Variants in MALRD1 observed in about 807,000 individuals in gnomAD.
The protein encoded by MALRD1 is MAM and LDL-receptor class A domain-containing protein 1.
A neutral mutation model predicts 242.1 loss-of-function variants in MALRD1; 247 were observed. The ratio of observed to expected loss-of-function variants is 1.02; its 90% CI spans 0.92 to 1.13. The LOEUF (loss-of-function observed/expected upper bound fraction) is 1.13. MALRD1 is among the 50% of genes most tolerant of loss of function. The probability of loss-of-function intolerance (pLI) is 0.00; values close to 1 mark genes in which losing one functional copy is unlikely to be tolerated. For missense variants in MALRD1, 2,989 were observed against 2,533.1 expected (o/e 1.18, Z -3.86); for synonymous variants, 995 against 866.6 (o/e 1.15, Z -2.60).
rs1835366245 is a variant in MALRD1 at position 19,178,738 on chromosome 10, A to G, written c.1951+3410A>G. ...CTCTTAATCTCAATTTTGAAGCCAG[A>G]TTTGTGCCTGGTGAGGATGCAGGTT... On this transcript the variant is annotated intron_variant, in intron 14 of 39. Coordinates refer to ENST00000454679, the MANE Select transcript of MALRD1 (RefSeq NM_001142308.3). 2.0e-5 allele frequency among the ~76,000 whole-genome samples: 3 copies of G among 152,288 alleles called. No individual in the cohort carries two copies. The South Asian group carries it at 6.2e-4, about 32-fold the overall frequency.
At chr10:19,437,151 G>A (rs1834382051) in intron 28 of MALRD1, among the ~76,000 whole-genome samples, 1 of 152,110 alleles carries the variant, frequency 6.6e-6, no homozygotes, top group Admixed American at 6.6e-5. Flanking sequence ...AAAGGACAAG[G>A]CCACAATACA....
intron 34 of MALRD1, among the ~76,000 whole-genome samples, chr10:19,602,658 G>A (rs1165216672): frequency 1.3e-5 from 2 of 151,976 alleles, no homozygotes; most frequent in Admixed American, 1.3e-4. Flanking sequence ...ATAAACATAC[G>A]TGTGCTTGTG....
chr10:19,529,376 A>T (rs886484995), intron 31 of MALRD1, among the ~76,000 whole-genome samples: 3 of 152,180 alleles, frequency 2.0e-5, no homozygotes, highest in Admixed American at 2.0e-4. Context: ...GTATGATGAT[A>T]TTTGACAGAG....
At chr10:19,065,820 A>T (rs1344981251) in intron 1 of MALRD1, among the ~76,000 whole-genome samples, 1 of 152,156 alleles carries the variant, frequency 6.6e-6, no homozygotes, top group African/African-American at 2.4e-5. Flanking sequence ...TCAAACACAG[A>T]TTCAATGATG....
chr10:19,127,171 G>T (rs1837308896), intron 7 of MALRD1, among the ~76,000 whole-genome samples: 1 of 152,010 alleles, frequency 6.6e-6, no homozygotes, highest in Non-Finnish European at 1.5e-5. Context: ...TGGGCATTTG[G>T]GTTGATTCCA....
chr10:19,206,972 T>A (rs1454696850), intron 17 of MALRD1, among the ~76,000 whole-genome samples: 1 of 152,154 alleles, frequency 6.6e-6, no homozygotes, highest in African/African-American at 2.4e-5. Context: ...TGAGGAAATA[T>A]CAAAAGAAAG....
At chr10:19,371,954 GTCTAAAGGGTAGC>G (rs2130750407) in intron 26 of MALRD1, among the ~76,000 whole-genome samples, 1 of 152,214 alleles carries the variant, frequency 6.6e-6, no homozygotes, top group Non-Finnish European at 1.5e-5. Flanking sequence ...TATACAGAAG[GTCTAAAGGGTAGC>G]TCATCCAGAC....
At chr10:19,358,710 T>G (rs1844756877) in intron 26 of MALRD1, among the ~76,000 whole-genome samples, 1 of 152,194 alleles carries the variant, frequency 6.6e-6, no homozygotes, top group Non-Finnish European at 1.5e-5. Flanking sequence ...ATAGCACTTT[T>G]GGAACAATGT....
At chr10:19,309,628 A>G (rs1257960786) in intron 21 of MALRD1, among the ~76,000 whole-genome samples, 2 of 151,586 alleles carry the variant, frequency 1.3e-5, no homozygotes, top group Non-Finnish European at 3.0e-5. Context: ...GTTGGTGTTT[A>G]ATACTGAGAA....
chr10:19,329,608 G>T (rs1843279465), intron 23 of MALRD1, among the ~76,000 whole-genome samples: 1 of 152,114 alleles, frequency 6.6e-6, no homozygotes, highest in East Asian at 1.9e-4. Context: ...GAAATACCCA[G>T]ATGTTAGGTC....
intron 36 of MALRD1, among the ~76,000 whole-genome samples, chr10:19,637,838 T>C (rs975444490): frequency 3.3e-5 from 5 of 151,922 alleles, no homozygotes; most frequent in African/African-American, 9.7e-5. Context: ...CGGTGGTTCA[T>C]GTCTGTAAGC....
At chr10:19,542,237 G>T (rs905548119) in intron 32 of MALRD1, among the ~76,000 whole-genome samples, 1 of 152,074 alleles carries the variant, frequency 6.6e-6, no homozygotes, top group Non-Finnish European at 1.5e-5. Context: ...TCGGTCTGAA[G>T]CTGAATATTA....
At chr10:19,593,101 A>G (rs1049373478) in intron 33 of MALRD1, among the ~76,000 whole-genome samples, 1 of 152,222 alleles carries the variant, frequency 6.6e-6, no homozygotes, top group South Asian at 2.1e-4. Flanking sequence ...GTCCAGTACC[A>G]GAAGAGCTAC....
intron 30 of MALRD1, among the ~76,000 whole-genome samples, chr10:19,491,890 CA>C (rs59131808): frequency 0.12 from 17,888 of 151,838 alleles, 3,126 homozygotes; most frequent in African/African-American, 0.39. Context: ...ATCATTTTAC[CA>C]AAAAATAATC....
At chr10:19,512,731 A>G (rs976871152) in intron 31 of MALRD1, among the ~76,000 whole-genome samples, 13 of 152,190 alleles carry the variant, frequency 8.5e-5, no homozygotes, top group African/African-American at 2.4e-4. Flanking sequence ...GCAGCGCCTA[A>G]AGACTTGGTT....
At chr10:19,594,823 G>T (rs751305747) in intron 33 of MALRD1, among the ~76,000 whole-genome samples, 4 of 151,940 alleles carry the variant, frequency 2.6e-5, no homozygotes, top group Non-Finnish European at 4.4e-5. Context: ...TGGACTGTGG[G>T]GACTCAAGGG....
chr10:19,163,325 A>T (rs1285591561), intron 12 of MALRD1, among the ~76,000 whole-genome samples: 3 of 152,032 alleles, frequency 2.0e-5, no homozygotes, highest in Non-Finnish European at 4.4e-5. Context: ...CAGCCATAAA[A>T]AAAGAACAAG....
chr10:19,492,171 A>C lies in MALRD1; in HGVS notation c.5158+526A>C, dbSNP rs199586057. Among the ~76,000 whole-genome samples, 13 of 152,296 alleles carry C rather than the reference A, an allele frequency of 8.5e-5. No homozygotes were observed. In the East Asian group the frequency reaches 2.5e-3, roughly 29 times the overall value. On this transcript the variant is annotated intron_variant, in intron 30 of 39. Coordinates refer to ENST00000454679, the MANE Select transcript of MALRD1 (RefSeq NM_001142308.3). ...GCTTTAATTCAAGCAATGTTTAAAA[A>C]CATATATAAAACTAAGTATATAATT... is the stretch of plus-strand genomic sequence containing the variant.
chr10:19,491,737 A>AAT, intron 30 of MALRD1, 92 bp downstream of exon 30: 1 of 1,387,038 alleles, frequency 7.2e-7, no homozygotes, highest in South Asian at 1.3e-5. Context: ...ATGGAGAAGA[A>AAT]ATATTATTTT....
Sources: gnomAD v4.1 joint callset for allele counts (sites outside exome capture counted in the v4.1 genomes callset) on GRCh38, gnomAD v4.1.1 for gene constraint, MANE v1.5 for transcripts, NCBI Gene and HGNC (gene_info 2026-07-23, HGNC 2026-07-21) for gene names.